The following PPP1R21 variants were observed in gnomAD, a reference collection of about 807,000 sequenced individuals.
PPP1R21 encodes the protein KLRAQ motif containing 1.
Under a neutral mutation model 112.8 loss-of-function variants are expected in PPP1R21, and 85 were observed. That is an observed-to-expected ratio of 0.75 (90% CI 0.63 to 0.90). The LOEUF (loss-of-function observed/expected upper bound fraction) is 0.90, where lower values mean the gene tolerates loss of function less well. PPP1R21 is among the 40% of genes least tolerant of loss of function. PPP1R21 has a pLI of 0.00. For synonymous variants in PPP1R21, 381 were observed against 322.3 expected (o/e 1.18, Z -1.95); for missense variants, 1,199 against 901.5 (o/e 1.33, Z -4.23).
In PPP1R21 at chr2:48,498,585, A is replaced by G. The variant is rs370567385; in HGVS notation, c.1785A>G (p.Lys595=). The change falls in exon 17 of 22, where the codon AAA becomes AAG. Residue 595 remains lysine (K), a synonymous_variant. Coordinates refer to ENST00000294952, the MANE Select transcript of PPP1R21 (RefSeq NM_001135629.3). ...AATTAGCCAAAATCAAGCTAGAGAA[A>G]GAAAACCAGCGAATTGCAGATAAGC... The part of the protein sequence containing the change: ...EAQLAKIKLE[K]ENQRIADKLK... 6.2e-6 allele frequency: 10 copies of G among 1,614,146 alleles called. No individual in the cohort carries two copies. The highest frequency in any genetic ancestry group is 8.5e-6 in the Non-Finnish European group (10 of 1,180,050).
chr2:48,445,407 C>T lies in PPP1R21; in HGVS notation c.57+4397C>T, dbSNP rs374681659. On this transcript the variant is annotated intron_variant, in intron 1 of 21. Transcript: ENST00000294952. The stretch of plus-strand genomic sequence containing the variant: ...AATAGCCACTTGTAGCTATTGAGTA[C>T]TCTGTTGGACAGTGCTAGCTTAGAC... 8.5e-5 allele frequency among the ~76,000 whole-genome samples: 13 copies of T among 152,234 alleles called. No individual in the cohort carries two copies. The East Asian group carries it at 1.3e-3, about 16-fold the overall frequency.
Position 48,464,928 on chromosome 2 carries a change from C to T in PPP1R21, c.695-9C>T. ...GAGAGACTTAATGTACATTATTTTT[C>T]TTCTGTAGAATATAGTCAGTACAAC... is the stretch of plus-strand genomic sequence containing the variant. On this transcript the variant is annotated splice_polypyrimidine_tract_variant and intron_variant, in intron 7 of 21. Transcript: ENST00000294952. 1 of 1,557,154 alleles carries T rather than the reference C, an allele frequency of 6.4e-7. No homozygotes were observed.
chr2:48,514,744 G>C lies in PPP1R21; in HGVS notation c.2343G>C (p.Ter781TyrextTer2). 3 of 1,612,464 alleles carry C rather than the reference G, an allele frequency of 1.9e-6. No individual in the cohort carries two copies. Among genetic ancestry groups the C allele is most frequent in the Non-Finnish European group, 2.5e-6 (3 of 1,179,438 alleles). ...KGNSKKNKSR[*>Y] is the part of the protein sequence containing the mutation. ...ATTCTAAAAAGAACAAGAGTCGATA[G>C]TTTTGAAATAGCTGGTTGGCGACTG... is the stretch of plus-strand genomic sequence containing the variant. The change falls in exon 22 of 22, where the codon TAG becomes TAC. Residue 781 changes from the stop codon to tyrosine (Y), a stop_lost. Transcript: ENST00000294952.
At chr2:48,448,838 T>C (rs1309608902) in intron 1 of PPP1R21, among the ~76,000 whole-genome samples, 1 of 152,216 alleles carries the variant, frequency 6.6e-6, no homozygotes, top group Non-Finnish European at 1.5e-5. Flanking sequence ...GTAAATATTT[T>C]AGGCTTGAGG....
chr2:48,441,987 G>T (rs1399002061), intron 1 of PPP1R21, among the ~76,000 whole-genome samples: 2 of 152,198 alleles, frequency 1.3e-5, no homozygotes, highest in Non-Finnish European at 2.9e-5. Flanking sequence ...AATAAAACTT[G>T]TGCCTAAACA....
At chr2:48,481,641 G>T (rs1342111739) in intron 13 of PPP1R21, among the ~76,000 whole-genome samples, 1 of 152,192 alleles carries the variant, frequency 6.6e-6, no homozygotes, top group Non-Finnish European at 1.5e-5. Context: ...ATTTTGGGAA[G>T]CTGAGTGGGA....
chr2:48,499,109 G>A (rs1669983056), intron 17 of PPP1R21, among the ~76,000 whole-genome samples: 1 of 143,472 alleles, frequency 7.0e-6, no homozygotes, highest in South Asian at 2.4e-4. Flanking sequence ...GGGGGTTAGA[G>A]TTTCAACGTA....
chr2:48,479,991 G>A lies in PPP1R21; in HGVS notation c.1293G>A (p.Leu431=), dbSNP rs1668937316. The A allele has an allele frequency of 6.2e-7, 1 of 1,612,328 alleles. No individual in the cohort carries two copies. The highest frequency in any genetic ancestry group is 8.5e-7 in the Non-Finnish European group (1 of 1,178,502). ...SSVLTNVGAA[L]HGFHDVMKDI... ...TGTTAACAAATGTTGGTGCTGCTCT[G>A]CATGGATTTCATGACGTTATGAAAG... Residue 431 remains leucine (L), a synonymous_variant, in exon 13 of 22, where the codon CTG becomes CTA. Transcript: ENST00000294952.
intron 13 of PPP1R21, among the ~76,000 whole-genome samples, chr2:48,481,283 C>T (rs142258368): frequency 6.6e-6 from 1 of 152,364 alleles, no homozygotes; most frequent in African/African-American, 2.4e-5. Flanking sequence ...GCCACTGGGC[C>T]TGGCCCCAAT....
At chr2:48,496,442 A>G (rs1286767035) in intron 16 of PPP1R21, among the ~76,000 whole-genome samples, 1 of 149,824 alleles carries the variant, frequency 6.7e-6, no homozygotes, top group Non-Finnish European at 1.5e-5. Context: ...AGAAGAATCT[A>G]AACAAGACAG....
chr2:48,448,506 T>G (rs557663959), intron 1 of PPP1R21, among the ~76,000 whole-genome samples: 1 of 147,610 alleles, frequency 6.8e-6, no homozygotes. Context: ...GTCCTTGAAG[T>G]AGTCGTTAGG....
intron 15 of PPP1R21, 146 bp from the exon 16 acceptor site, chr2:48,495,533 T>C (rs566740566): frequency 8.8e-6 from 5 of 568,316 alleles, no homozygotes; most frequent in African/African-American, 7.5e-5. Flanking sequence ...TTATCTTCGT[T>C]TTCACGTGTA....
At position 48,440,832 on chromosome 2, in the gene PPP1R21, CGGCTGCGGT is replaced by C. The variant is rs998391632; in HGVS notation, c.-118_-110del. On this transcript the variant is annotated 5_prime_UTR_variant, in exon 1 of 22. Transcript: ENST00000294952. ...GGAGGCGCGGCGGCGGCGGCGGCGG[CGGCTGCGGT>C]GGCCAAGCAGGCAGATACTGCCTGA... is the stretch of plus-strand genomic sequence containing the variant. 3 of 697,250 alleles carry C rather than the reference CGGCTGCGGT, an allele frequency of 4.3e-6. No homozygotes were observed. Among genetic ancestry groups the C allele is most frequent in the Non-Finnish European group, 7.3e-6 (3 of 411,578 alleles). The allele number at this position is 697,250 out of a possible 1,614,324, so 43.2% of individuals were successfully genotyped here. A position where few individuals can be genotyped will look rare whatever the true frequency, so the allele number is the denominator to read the frequency against.
chr2:48,444,791 A>C (rs1305652286), intron 1 of PPP1R21, among the ~76,000 whole-genome samples: 1 of 152,230 alleles, frequency 6.6e-6, no homozygotes, highest in African/African-American at 2.4e-5. Context: ...CTAACATTTG[A>C]AAATCATTGA....
chr2:48,514,641 G>A (rs560978345), intron 21 of PPP1R21, 74 bp from the exon 22 acceptor site: 2 of 1,100,998 alleles, frequency 1.8e-6, no homozygotes, highest in Non-Finnish European at 2.8e-6. Flanking sequence ...CTTTCAGACA[G>A]CTTGGTTTAT....
At chr2:48,454,446 C>G in intron 2 of PPP1R21, 149 bp from the exon 3 acceptor site, 1 of 871,402 alleles carries the variant, frequency 1.1e-6, no homozygotes, top group Non-Finnish European at 1.8e-6. Flanking sequence ...GTGCTAAAAA[C>G]TTAAGAACTG....
intron 1 of PPP1R21, among the ~76,000 whole-genome samples, chr2:48,450,740 C>G (rs935137235): frequency 1.3e-5 from 2 of 151,582 alleles, no homozygotes; most frequent in African/African-American, 4.8e-5. Flanking sequence ...CACTAGAAAT[C>G]AGGAGACTGG....
At chr2:48,459,997 T>A (rs1471748902) in intron 5 of PPP1R21, 79 bp downstream of exon 5, 1 of 1,590,688 alleles carries the variant, frequency 6.3e-7, no homozygotes, top group East Asian at 2.3e-5. Flanking sequence ...TTAGAGTTAG[T>A]CATTTCTGGT....
chr2:48,481,519 C>T (rs1195054810), intron 13 of PPP1R21, among the ~76,000 whole-genome samples: 2 of 152,192 alleles, frequency 1.3e-5, no homozygotes, highest in East Asian at 1.9e-4. Context: ...CTTTACTTAA[C>T]GTAGAACCAG....
Sources: allele counts gnomAD v4.1 joint callset (sites outside exome capture counted in the v4.1 genomes callset), GRCh38; gene constraint gnomAD v4.1.1; transcripts MANE v1.5; gene names NCBI Gene and HGNC (gene_info 2026-07-23, HGNC 2026-07-21).